CLVS1: variants seen among roughly 807,000 people sequenced by gnomAD.
CLVS1 encodes clavesin 1.
In CLVS1, 10 loss-of-function variants were observed where a neutral mutation model predicts 33.1. That is an observed-to-expected ratio of 0.30 (90% CI 0.19 to 0.51). CLVS1 has a LOEUF of 0.51. Ranked by LOEUF, CLVS1 falls within the 20% of genes least tolerant of loss-of-function variation. The pLI, the probability that CLVS1 is intolerant of heterozygous loss-of-function variation, is 0.97. For synonymous variants in CLVS1, 163 were observed against 166.1 expected, an observed-to-expected ratio of 0.98 and a Z score of 0.14; for missense variants, 343 against 433.4, an observed-to-expected ratio of 0.79 and a Z score of 1.85.
intron 3 of CLVS1, among the ~76,000 whole-genome samples, chr8:61,390,813 A>G (rs1814272642): frequency 6.6e-6 from 1 of 152,230 alleles, no homozygotes; most frequent in African/African-American, 2.4e-5. Context: ...ATCTCATCAC[A>G]AATATTTTTC....
At chr8:61,361,572 G>A (rs1051721877) in intron 2 of CLVS1, among the ~76,000 whole-genome samples, 1 of 152,202 alleles carries the variant, frequency 6.6e-6, no homozygotes, top group South Asian at 2.1e-4. Flanking sequence ...GATGCAATAA[G>A]TCTTCCCCAT....
chr8:61,111,429 A>G (rs1032037098), intron 1 of CLVS1, among the ~76,000 whole-genome samples: 5 of 152,230 alleles, frequency 3.3e-5, no homozygotes, highest in African/African-American at 7.2e-5. Flanking sequence ...ACAGGCTGAC[A>G]TGCTAAATTA....
intron 2 of CLVS1, among the ~76,000 whole-genome samples, chr8:61,214,698 C>G (rs564898647): frequency 2.0e-5 from 3 of 152,206 alleles, no homozygotes; most frequent in Non-Finnish European, 4.4e-5. Context: ...GCAGCCTTAG[C>G]AAACTCAGGC....
chr8:61,007,487 G>A, the CLVS1 span, among the ~76,000 whole-genome samples: 1 of 152,148 alleles, frequency 6.6e-6, no homozygotes, highest in East Asian at 1.9e-4. Flanking sequence ...TTCAGATTTT[G>A]CCAGTTAAAT....
chr8:61,056,556 C>T (rs1804476100), upstream of CLVS1, among the ~76,000 whole-genome samples: 2 of 152,288 alleles, frequency 1.3e-5, no homozygotes, highest in South Asian at 4.1e-4. Flanking sequence ...CTCTCTAACA[C>T]CTTCATATCA....
At chr8:61,209,138 AACATTGACC>A (rs1438755712) in intron 2 of CLVS1, among the ~76,000 whole-genome samples, 1 of 152,200 alleles carries the variant, frequency 6.6e-6, no homozygotes, top group Non-Finnish European at 1.5e-5. Context: ...TTTCTGCACA[AACATTGACC>A]ATATTTTCAA....
Position 61,448,509 on chromosome 8 carries a change from G to C in CLVS1, c.631-5632G>C, listed in dbSNP as rs142855451. On this transcript the variant is annotated intron_variant, in intron 3 of 5. Transcript: ENST00000325897. ...TTTCAGTTCACTGATTCTTTCTTCT[G>C]TCACTTCTTTTCTGATGTTCAGCCC... 3.4e-3 allele frequency among the ~76,000 whole-genome samples: 523 copies of C among 151,610 alleles called. 5 individuals carry two copies. Among genetic ancestry groups the C allele is most frequent in the African/African-American group, 0.012 (498 of 41,374 alleles).
At chr8:61,132,019 C>T (rs1806108991) in intron 2 of CLVS1, among the ~76,000 whole-genome samples, 1 of 152,252 alleles carries the variant, frequency 6.6e-6, no homozygotes, top group Non-Finnish European at 1.5e-5. Context: ...GGGTGGGGTG[C>T]CTCTGGCACT....
intron 2 of CLVS1, among the ~76,000 whole-genome samples, chr8:61,256,508 G>A (rs775804080): frequency 4.4e-4 from 67 of 152,014 alleles, no homozygotes; most frequent in Middle Eastern, 6.8e-3. Flanking sequence ...GCGAGACTCC[G>A]TCTCAAAAAC....
intron 1 of CLVS1, among the ~76,000 whole-genome samples, chr8:61,093,221 C>T (rs1563399664): frequency 1.3e-5 from 2 of 152,276 alleles, no homozygotes; most frequent in East Asian, 3.9e-4. Flanking sequence ...CTGACTCAAT[C>T]AAAATAGACA....
intron 3 of CLVS1, among the ~76,000 whole-genome samples, chr8:61,389,881 C>T (rs532468694): frequency 1.3e-5 from 2 of 152,246 alleles, no homozygotes; most frequent in East Asian, 3.9e-4. Flanking sequence ...TTGGAAGCTC[C>T]AGAAATTATT....
At chr8:61,404,854 G>A (rs989260406) in intron 3 of CLVS1, among the ~76,000 whole-genome samples, 14 of 152,092 alleles carry the variant, frequency 9.2e-5, no homozygotes, top group African/African-American at 3.1e-4. Context: ...TTCCCACAAG[G>A]GCCCCAAGAT....
upstream of CLVS1, among the ~76,000 whole-genome samples, chr8:61,286,388 G>C (rs1563477392): frequency 6.6e-6 from 1 of 152,186 alleles, no homozygotes; most frequent in Admixed American, 6.5e-5. Flanking sequence ...ATAGAGCATA[G>C]AACTTACCAC....
chr8:61,329,025 T>G (rs1269527743), intron 2 of CLVS1, among the ~76,000 whole-genome samples: 2 of 152,222 alleles, frequency 1.3e-5, no homozygotes, highest in African/African-American at 4.8e-5. Flanking sequence ...TTGTCTTTAT[T>G]TGCATTTAAA....
chr8:61,049,186 C>G, the CLVS1 span, among the ~76,000 whole-genome samples: 19 of 152,312 alleles, frequency 1.2e-4, no homozygotes, highest in African/African-American at 4.3e-4. Flanking sequence ...GTGGCACACA[C>G]TTTTCTACAA....
the CLVS1 span, among the ~76,000 whole-genome samples, chr8:60,987,773 A>C: frequency 6.6e-6 from 1 of 152,100 alleles, no homozygotes; most frequent in South Asian, 2.1e-4. Flanking sequence ...GATGTAATAA[A>C]AGTGCCAATG....
chr8:61,232,697 C>A (rs1392270346), intron 2 of CLVS1, among the ~76,000 whole-genome samples: 1 of 152,186 alleles, frequency 6.6e-6, no homozygotes, highest in Non-Finnish European at 1.5e-5. Context: ...CCCACACCCC[C>A]AATTTCCATA....
intron 3 of CLVS1, among the ~76,000 whole-genome samples, chr8:61,381,572 G>A (rs944668799): frequency 6.6e-6 from 1 of 152,036 alleles, no homozygotes; most frequent in Non-Finnish European, 1.5e-5. Context: ...GTAGTTTTTT[G>A]TTCCTCGCCC....
At chr8:60,967,596 C>A in the CLVS1 span, 1 of 455,548 alleles carries the variant, frequency 2.2e-6, no homozygotes. Flanking sequence ...CAGCATTCAG[C>A]TTCTGGGAAC....
Sources: gnomAD v4.1 joint callset for allele counts (sites outside exome capture counted in the v4.1 genomes callset) on GRCh38, gnomAD v4.1.1 for gene constraint, MANE v1.5 for transcripts, NCBI Gene and HGNC (gene_info 2026-07-23, HGNC 2026-07-21) for gene names.